Variants in SMURF1 observed in about 807,000 individuals in gnomAD.
The protein encoded by SMURF1 is SMAD specific E3 ubiquitin protein ligase 1, also known as E3 ubiquitin-protein ligase SMURF1.
A neutral mutation model predicts 98.0 loss-of-function variants in SMURF1; 44 were observed. That is an observed-to-expected ratio of 0.45 (90% CI 0.35 to 0.58). The LOEUF (loss-of-function observed/expected upper bound fraction) is 0.58, where lower values mean the gene tolerates loss of function less well. Ranked by LOEUF, SMURF1 falls within the 20% of genes least tolerant of loss-of-function variation. The pLI, the probability that SMURF1 is intolerant of heterozygous loss-of-function variation, is 0.00. For synonymous variants in SMURF1, 396 were observed against 374.9 expected (o/e 1.06, Z -0.65); for missense variants, 687 against 938.4 (o/e 0.73, Z 3.50).
At chr7:99,062,587 G>A (rs1796057666) in intron 1 of SMURF1, among the ~76,000 whole-genome samples, 3 of 152,164 alleles carry the variant, frequency 2.0e-5, no homozygotes, top group Admixed American at 2.0e-4. Context: ...GGTGGCTCAC[G>A]CCTGTAATCC....
chr7:99,129,606 G>A (rs892189400), intron 1 of SMURF1, among the ~76,000 whole-genome samples: 1 of 152,112 alleles, frequency 6.6e-6, no homozygotes, highest in Non-Finnish European at 1.5e-5. Context: ...TGCCCCAGCT[G>A]GTCTCAAACT....
chr7:99,077,753 T>A (rs1386548310), intron 1 of SMURF1, among the ~76,000 whole-genome samples: 1 of 152,192 alleles, frequency 6.6e-6, no homozygotes, highest in East Asian at 1.9e-4. Flanking sequence ...GGGCTGAATA[T>A]GAAATTTTTC....
chr7:99,125,625 A>G (rs1316952233), intron 1 of SMURF1, among the ~76,000 whole-genome samples: 1 of 152,094 alleles, frequency 6.6e-6, no homozygotes, highest in Non-Finnish European at 1.5e-5. Flanking sequence ...CACAGCTCAC[A>G]TTACCTATAC....
At chr7:99,057,982 A>G (rs963400132) in intron 3 of SMURF1, among the ~76,000 whole-genome samples, 1 of 152,132 alleles carries the variant, frequency 6.6e-6, no homozygotes, top group Admixed American at 6.5e-5. Flanking sequence ...TGTATTACAC[A>G]TGTAACAGGC....
At chr7:99,112,284 C>A (rs760862291) in intron 1 of SMURF1, among the ~76,000 whole-genome samples, 1 of 152,138 alleles carries the variant, frequency 6.6e-6, no homozygotes. Context: ...ACCTTGAAGG[C>A]GTGCCTCACA....
chr7:99,064,472 A>AT (rs1382833912), intron 1 of SMURF1, among the ~76,000 whole-genome samples: 4 of 152,132 alleles, frequency 2.6e-5, no homozygotes, highest in Non-Finnish European at 4.4e-5. Context: ...ACCTAGTCAG[A>AT]TTTTTCCATT....
At chr7:99,069,880 A>G (rs1796279604) in intron 1 of SMURF1, among the ~76,000 whole-genome samples, 1 of 152,228 alleles carries the variant, frequency 6.6e-6, no homozygotes, top group African/African-American at 2.4e-5. Flanking sequence ...TCCACTATTC[A>G]GACACCATTA....
intron 1 of SMURF1, among the ~76,000 whole-genome samples, chr7:99,121,617 T>A (rs977688826): frequency 4.6e-5 from 7 of 152,180 alleles, no homozygotes; most frequent in Admixed American, 2.6e-4. Context: ...GAAGTAAAGC[T>A]CAGCTTTGAT....
At chr7:99,051,310 C>T (rs201800934) in intron 8 of SMURF1, 47 bp downstream of exon 8, 29 of 1,477,332 alleles carry the variant, frequency 2.0e-5, no homozygotes, top group Admixed American at 1.5e-4. Flanking sequence ...CTTTTCAAGT[C>T]AACTGCTGGA....
intron 2 of SMURF1, among the ~76,000 whole-genome samples, chr7:99,061,488 T>G (rs1796033374): frequency 6.6e-6 from 1 of 152,238 alleles, no homozygotes; most frequent in South Asian, 2.1e-4. Flanking sequence ...ATTTCATTTG[T>G]ATTAGAGCTG....
intron 1 of SMURF1, among the ~76,000 whole-genome samples, chr7:99,124,992 T>G (rs1797714093): frequency 6.6e-6 from 1 of 152,258 alleles, no homozygotes; most frequent in Non-Finnish European, 1.5e-5. Context: ...GTCTCTACCC[T>G]GTTTATTATA....
chr7:99,093,151 C>T (rs987188422), intron 1 of SMURF1, among the ~76,000 whole-genome samples: 2 of 152,090 alleles, frequency 1.3e-5, no homozygotes, highest in African/African-American at 4.8e-5. Flanking sequence ...GCTCCAAAAA[C>T]GGAGGAGAGA....
At chr7:99,132,472 T>C (rs971751053) in intron 1 of SMURF1, among the ~76,000 whole-genome samples, 2 of 151,980 alleles carry the variant, frequency 1.3e-5, no homozygotes, top group Non-Finnish European at 2.9e-5. Context: ...TGGACATTGG[T>C]AGATGGATGA....
chr7:99,094,392 A>C (rs1227767822), intron 1 of SMURF1, among the ~76,000 whole-genome samples: 1 of 152,266 alleles, frequency 6.6e-6, no homozygotes, highest in African/African-American at 2.4e-5. Context: ...AATTTTAAAT[A>C]TACAGCTCTG....
intron 7 of SMURF1, 54 bp from the exon 8 acceptor site, chr7:99,051,495 T>G (rs1563006122): frequency 1.4e-6 from 2 of 1,406,472 alleles, no homozygotes; most frequent in Admixed American, 1.7e-5. Flanking sequence ...AGGGAGAGTT[T>G]GTAACCAACC....
chr7:99,054,970 AC>A, intron 5 of SMURF1, 105 bp from the exon 6 acceptor site: 1 of 1,064,416 alleles, frequency 9.4e-7, no homozygotes, highest in Non-Finnish European at 1.4e-6. Flanking sequence ...ATCATAAAAA[AC>A]GAGGCATATG....
chr7:99,052,087 A>G, intron 7 of SMURF1, 118 bp downstream of exon 7: 1 of 1,384,240 alleles, frequency 7.2e-7, no homozygotes, highest in Non-Finnish European at 9.5e-7. Flanking sequence ...GTGAGCCATG[A>G]TCATGCCACT....
intron 1 of SMURF1, among the ~76,000 whole-genome samples, chr7:99,102,038 G>T (rs957159657): frequency 2.0e-5 from 3 of 151,556 alleles, no homozygotes; most frequent in African/African-American, 7.3e-5. Context: ...GTGATATTAT[G>T]ATGCACATTT....
intron 1 of SMURF1, among the ~76,000 whole-genome samples, chr7:99,079,880 A>G (rs1359943313): frequency 6.6e-6 from 1 of 152,180 alleles, no homozygotes; most frequent in African/African-American, 2.4e-5. Context: ...CTTTCAACTC[A>G]AGGATGAATA....
Sources: allele counts gnomAD v4.1 joint callset (sites outside exome capture counted in the v4.1 genomes callset), GRCh38; gene constraint gnomAD v4.1.1; transcripts MANE v1.5; gene names NCBI Gene and HGNC (gene_info 2026-07-23, HGNC 2026-07-21).